Variants in NCOA6 observed in about 807,000 individuals in gnomAD.
The protein encoded by NCOA6 is NRC RAP250.
A neutral mutation model predicts 171.4 loss-of-function variants in NCOA6; 49 were observed. The ratio of observed to expected loss-of-function variants is 0.29; its 90% CI spans 0.23 to 0.36. The LOEUF (loss-of-function observed/expected upper bound fraction) is 0.36, where lower values mean the gene tolerates loss of function less well. Ranked by LOEUF, NCOA6 falls within the 10% of genes least tolerant of loss-of-function variation. NCOA6 has a pLI of 1.00. For synonymous variants in NCOA6, 910 were observed against 927.5 expected, an observed-to-expected ratio of 0.98 and a Z score of 0.34; for missense variants, 2,248 against 2,554.5, an observed-to-expected ratio of 0.88 and a Z score of 2.59.
intron 1 of NCOA6, chr20:34,821,242 C>T (rs1314840838): frequency 6.6e-6 from 1 of 152,194 alleles, no homozygotes; most frequent in Admixed American, 6.5e-5. Flanking sequence ...GACTACTCAA[C>T]TCTGCTATTG....
At chr20:34,800,863 C>T (rs112510036) in intron 1 of NCOA6, among the ~76,000 whole-genome samples, 1,935 of 152,228 alleles carry the variant, frequency 0.013, 21 homozygotes, top group Non-Finnish European at 0.021. Flanking sequence ...ACTACATGAA[C>T]TTAATAAGAT....
At chr20:34,729,815 A>G (rs1382113494) in intron 13 of NCOA6, among the ~76,000 whole-genome samples, 1 of 152,188 alleles carries the variant, frequency 6.6e-6, no homozygotes, top group Non-Finnish European at 1.5e-5. Flanking sequence ...CTCCTGCCAG[A>G]GGACCCTTTG....
Position 34,757,917 on chromosome 20 carries a change from TTGC to T in NCOA6, c.828_830del (p.Gln285del), listed in dbSNP as rs752981889. 367 of 1,612,156 alleles carry T rather than the reference TTGC, an allele frequency of 2.3e-4. 1 individual carries two copies. The highest frequency in any genetic ancestry group is 3.7e-4 in the Admixed American group (22 of 59,906). On this transcript the variant is annotated inframe_deletion, in exon 7 of 15. Coordinates refer to ENST00000359003, the MANE Select transcript of NCOA6 (RefSeq NM_014071.5). ...ACTGTTGTTGCTGCTGTTGCTGTTG[TTGC>T]TGCTGCTGCTGCTGCTGCTGCTGTT...
chr20:34,770,691 C>T (rs377602410), intron 4 of NCOA6, among the ~76,000 whole-genome samples: 1 of 150,552 alleles, frequency 6.6e-6, no homozygotes, highest in Non-Finnish European at 1.5e-5. Context: ...AGTGCAATGG[C>T]GCGATCTCGG....
intron 12 of NCOA6, 24 bp downstream of exon 12, chr20:34,736,665 GA>G: frequency 6.3e-7 from 1 of 1,587,920 alleles, no homozygotes; most frequent in South Asian, 1.1e-5. Flanking sequence ...CCCACTCCAA[GA>G]AGTTTTTCCA....
intron 14 of NCOA6, among the ~76,000 whole-genome samples, chr20:34,717,407 G>A (rs1256955720): frequency 2.0e-5 from 3 of 152,096 alleles, no homozygotes; most frequent in Non-Finnish European, 2.9e-5. Flanking sequence ...CCGAGATTGC[G>A]CCATTGCACT....
At chr20:34,802,540 G>A (rs758569203) in intron 1 of NCOA6, among the ~76,000 whole-genome samples, 23 of 152,040 alleles carry the variant, frequency 1.5e-4, no homozygotes, top group Non-Finnish European at 3.1e-4. Context: ...GTCGGAAGTT[G>A]CAGTGAGCCG....
At chr20:34,802,839 G>A (rs2078300942) in intron 1 of NCOA6, among the ~76,000 whole-genome samples, 1 of 151,864 alleles carries the variant, frequency 6.6e-6, no homozygotes, top group South Asian at 2.1e-4. Flanking sequence ...TTTGAGTCAG[G>A]GTCTCACCCT....
At chr20:34,767,951 A>G (rs184556918) in intron 5 of NCOA6, among the ~76,000 whole-genome samples, 56 of 152,338 alleles carry the variant, frequency 3.7e-4, no homozygotes, top group Admixed American at 3.3e-3. Context: ...TATTGAGTTC[A>G]ATCTCTGAAG....
At chr20:34,747,782 C>CG (rs1392093456) in intron 9 of NCOA6, among the ~76,000 whole-genome samples, 1 of 152,146 alleles carries the variant, frequency 6.6e-6, no homozygotes, top group East Asian at 1.9e-4. Flanking sequence ...TGAAGCAGAT[C>CG]GTCAGCACAT....
chr20:34,780,648 CTTTA>C (rs1263078693), intron 3 of NCOA6, among the ~76,000 whole-genome samples: 1 of 148,518 alleles, frequency 6.7e-6, no homozygotes, highest in African/African-American at 2.5e-5. Context: ...CTGCGCCCAC[CTTTA>C]TTTATTATTT....
chr20:34,792,349 TCTAC>T (rs1480319646), intron 2 of NCOA6, 97 bp downstream of exon 2: 7 of 386,858 alleles, frequency 1.8e-5, no homozygotes, highest in Non-Finnish European at 3.2e-5. Context: ...ATAAATGCAT[TCTAC>T]ACAGTTTTTC....
At chr20:34,746,576 A>G (rs1227445219) in intron 10 of NCOA6, among the ~76,000 whole-genome samples, 1 of 152,220 alleles carries the variant, frequency 6.6e-6, no homozygotes, top group Non-Finnish European at 1.5e-5. Context: ...AGGACTTAAA[A>G]TAACAAAGAC....
chr20:34,823,182 G>A lies in NCOA6; in HGVS notation c.-164+2290C>T, dbSNP rs189738714. On this transcript the variant is annotated intron_variant, in intron 1 of 14. Transcript: ENST00000359003. ...CAATTAAAAAATATTATTCTGAAAGGGGTCCATGGCACAGATAAGGTCAGG... is the reference window on the plus strand; with the variant it reads ...CAATTAAAAAATATTATTCTGAAAGAGGTCCATGGCACAGATAAGGTCAGG... Among the ~76,000 whole-genome samples, 701 of 151,974 alleles carry A rather than the reference G, an allele frequency of 4.6e-3. 3 individuals carry two copies. Among genetic ancestry groups the A allele is most frequent in the Middle Eastern group, 0.01 (3 of 292 alleles).
At chr20:34,754,978 CTCT>C in intron 7 of NCOA6, 110 bp from the exon 8 acceptor site, 1 of 1,052,864 alleles carries the variant, frequency 9.5e-7, no homozygotes, top group Non-Finnish European at 1.4e-6. Context: ...TGGCTTAGCT[CTCT>C]CTGTCACACT....
In NCOA6 at chr20:34,774,143, T is replaced by A. The variant is rs183724333; in HGVS notation, c.391+2150A>T. Among the ~76,000 whole-genome samples, 26 of 152,354 alleles carry A rather than the reference T, an allele frequency of 1.7e-4. No individual in the cohort carries two copies. The East Asian group carries it at 4.8e-3, about 28-fold the overall frequency. Reference sequence around the variant, plus strand: ...TCTGCTTAAGAAATAAAACTGGTACTTCTTTCTCCAGTGAAAAACACTATC... The same window carrying A: ...TCTGCTTAAGAAATAAAACTGGTACATCTTTCTCCAGTGAAAAACACTATC... On this transcript the variant is annotated intron_variant, in intron 4 of 14. Coordinates refer to ENST00000359003, the MANE Select transcript of NCOA6 (RefSeq NM_014071.5).
intron 14 of NCOA6, among the ~76,000 whole-genome samples, chr20:34,722,659 GAC>G (rs1405893775): frequency 7.0e-6 from 1 of 143,198 alleles, no homozygotes; most frequent in Non-Finnish European, 1.5e-5. Flanking sequence ...TAGCCTGGGT[GAC>G]ACAGTAAGAA....
intron 9 of NCOA6, among the ~76,000 whole-genome samples, chr20:34,748,621 AAATT>A (rs2076375641): frequency 6.6e-6 from 1 of 152,240 alleles, no homozygotes; most frequent in Non-Finnish European, 1.5e-5. Flanking sequence ...CCAGAAACAC[AAATT>A]AATACTTAGC....
At chr20:34,770,507 T>C (rs2077116397) in intron 4 of NCOA6, among the ~76,000 whole-genome samples, 1 of 152,186 alleles carries the variant, frequency 6.6e-6, no homozygotes, top group African/African-American at 2.4e-5. Flanking sequence ...AGGGAACTAT[T>C]AATATACAAA....
Sources: gnomAD v4.1 joint callset for allele counts (sites outside exome capture counted in the v4.1 genomes callset) on GRCh38, gnomAD v4.1.1 for gene constraint, MANE v1.5 for transcripts, NCBI Gene and HGNC (gene_info 2026-07-23, HGNC 2026-07-21) for gene names.